Variants in CNBD1 observed in about 807,000 individuals in gnomAD.
CNBD1 encodes cyclic nucleotide-binding domain-containing protein 1.
In CNBD1, 71 loss-of-function variants were observed where a neutral mutation model predicts 54.4. The observed-to-expected ratio is 1.30, with a 90% CI of 1.08 to 1.59. The LOEUF (loss-of-function observed/expected upper bound fraction) is 1.59, where lower values mean the gene tolerates loss of function less well. Ranked by LOEUF, CNBD1 falls within the 40% of genes most tolerant of loss-of-function variation. The pLI is 0.00. For missense variants in CNBD1, 659 were observed against 518.0 expected, an observed-to-expected ratio of 1.27 and a Z score of -2.64; for synonymous variants, 182 against 170.7, an observed-to-expected ratio of 1.07 and a Z score of -0.51.
chr8:87,213,949 C>T (rs1814154351), intron 5 of CNBD1, among the ~76,000 whole-genome samples: 1 of 152,138 alleles, frequency 6.6e-6, no homozygotes, highest in East Asian at 1.9e-4. Context: ...TTGGCCAAAA[C>T]CAAGGGGCTA....
chr8:87,411,610 C>A (rs956469975), intron 2 of CNBD1, among the ~76,000 whole-genome samples: 1 of 149,452 alleles, frequency 6.7e-6, no homozygotes, highest in African/African-American at 2.4e-5. Flanking sequence ...CATTTATTGA[C>A]AGTTTTGTAG....
chr8:87,011,910 A>G (rs1396700022), intron 4 of CNBD1, among the ~76,000 whole-genome samples: 1 of 152,190 alleles, frequency 6.6e-6, no homozygotes, highest in Admixed American at 6.5e-5. Flanking sequence ...TTGAAGGGGG[A>G]AAACAGATTA....
At chr8:87,138,294 G>A (rs1812301051) in intron 4 of CNBD1, among the ~76,000 whole-genome samples, 1 of 152,144 alleles carries the variant, frequency 6.6e-6, no homozygotes, top group Non-Finnish European at 1.5e-5. Flanking sequence ...TGAGAACTTT[G>A]ATGCACAAGA....
chr8:87,131,356 A>C (rs1400702331), intron 4 of CNBD1, among the ~76,000 whole-genome samples: 1 of 152,112 alleles, frequency 6.6e-6, no homozygotes, highest in Non-Finnish European at 1.5e-5. Context: ...TGGAACATTT[A>C]AAATGGTTGC....
chr8:87,230,629 G>A (rs1443528964), intron 5 of CNBD1, among the ~76,000 whole-genome samples: 1 of 152,092 alleles, frequency 6.6e-6, no homozygotes, highest in Non-Finnish European at 1.5e-5. Context: ...CAGTAACAAT[G>A]TATGGTTTTC....
At chr8:87,365,937 A>G (rs991356518) in intron 10 of CNBD1, among the ~76,000 whole-genome samples, 1 of 152,008 alleles carries the variant, frequency 6.6e-6, no homozygotes. Flanking sequence ...TGAAAACTCA[A>G]TGTAATGATT....
At chr8:87,070,580 G>A (rs1810740784) in intron 4 of CNBD1, among the ~76,000 whole-genome samples, 1 of 151,966 alleles carries the variant, frequency 6.6e-6, no homozygotes, top group Non-Finnish European at 1.5e-5. Flanking sequence ...GAGAAAAAGA[G>A]ATTTTTTTTT....
At chr8:87,372,001 G>A (rs368765108) in intron 10 of CNBD1, among the ~76,000 whole-genome samples, 2,174 of 151,910 alleles carry the variant, frequency 0.014, 51 homozygotes, top group African/African-American at 0.047. Flanking sequence ...AATTAGGCAG[G>A]AGAAGGAAAT....
intron 2 of CNBD1, among the ~76,000 whole-genome samples, chr8:87,407,047 C>T (rs1213042760): frequency 1.3e-5 from 2 of 151,892 alleles, no homozygotes; most frequent in African/African-American, 4.8e-5. Context: ...TACATACATA[C>T]AGAAGTACAC....
chr8:87,099,034 C>CAAAAAAAAAAAAAAAAAAAAAAAA, intron 4 of CNBD1, among the ~76,000 whole-genome samples: 1 of 23,064 alleles, frequency 4.3e-5, no homozygotes, highest in South Asian at 2.3e-3. Flanking sequence ...GACTGTGTCT[C>CAAAAAAAAAAAAAAAAAAAAAAAA]AAAAAAAAAA....
At chr8:87,340,696 A>G (rs1404552121) in intron 8 of CNBD1, among the ~76,000 whole-genome samples, 1 of 152,076 alleles carries the variant, frequency 6.6e-6, no homozygotes, top group East Asian at 1.9e-4. Flanking sequence ...TTTGCTTTAT[A>G]AAGTCTGCTG....
At chr8:86,991,392 GTCTC>G (rs57076430) in intron 4 of CNBD1, among the ~76,000 whole-genome samples, 38 of 149,532 alleles carry the variant, frequency 2.5e-4, no homozygotes, top group Admixed American at 3.3e-4. Context: ...CACTCTCTCT[GTCTC>G]TCTCTCTCTC....
At chr8:87,212,765 C>T (rs1374424197) in intron 5 of CNBD1, among the ~76,000 whole-genome samples, 1 of 152,032 alleles carries the variant, frequency 6.6e-6, no homozygotes, top group Admixed American at 6.6e-5. Flanking sequence ...AGAAGAAAAA[C>T]TTAAGAATCT....
At chr8:87,238,065 G>A (rs1398221865) in intron 6 of CNBD1, among the ~76,000 whole-genome samples, 1 of 137,244 alleles carries the variant, frequency 7.3e-6, no homozygotes, top group African/African-American at 3.5e-5. Context: ...TTCAAAGACC[G>A]ATTTTTTTTT....
At chr8:87,149,825 A>C (rs946112302) in intron 4 of CNBD1, among the ~76,000 whole-genome samples, 3 of 152,148 alleles carry the variant, frequency 2.0e-5, no homozygotes, top group African/African-American at 7.2e-5. Flanking sequence ...AATAAGGATC[A>C]ATGGCCATTG....
chr8:87,162,190 G>A (rs1327276498), intron 4 of CNBD1, among the ~76,000 whole-genome samples: 2 of 151,948 alleles, frequency 1.3e-5, no homozygotes, highest in African/African-American at 4.8e-5. Context: ...AAACTAAATA[G>A]AGCATAGAAG....
chr8:87,122,225 C>A (rs761387231), intron 4 of CNBD1, among the ~76,000 whole-genome samples: 3 of 151,786 alleles, frequency 2.0e-5, no homozygotes, highest in Non-Finnish European at 4.4e-5. Flanking sequence ...TCTCACCAAA[C>A]CTTATCTTTC....
intron 8 of CNBD1, among the ~76,000 whole-genome samples, chr8:87,304,523 T>C (rs1183441997): frequency 6.6e-6 from 1 of 151,948 alleles, no homozygotes; most frequent in Non-Finnish European, 1.5e-5. Context: ...CATTAGGAGA[T>C]ATACCTAATG....
intron 4 of CNBD1, among the ~76,000 whole-genome samples, chr8:87,050,290 C>T (rs967169719): frequency 9.2e-5 from 14 of 152,134 alleles, no homozygotes; most frequent in African/African-American, 3.4e-4. Flanking sequence ...GTTCTAGTTC[C>T]CTCTGACAGG....
Sources: allele counts gnomAD v4.1 joint callset (sites outside exome capture counted in the v4.1 genomes callset), GRCh38; gene constraint gnomAD v4.1.1; transcripts MANE v1.5; gene names NCBI Gene and HGNC (gene_info 2026-07-23, HGNC 2026-07-21).